Variants in DLAT observed in about 807,000 individuals in gnomAD.
DLAT encodes the protein dihydrolipoamide S-acetyltransferase.
Under a neutral mutation model 68.0 loss-of-function variants are expected in DLAT, and 43 were observed. The ratio of observed to expected loss-of-function variants is 0.63; its 90% CI spans 0.50 to 0.81. The LOEUF (loss-of-function observed/expected upper bound fraction) is 0.81. Among genes scored for constraint, DLAT ranks in the 40% least tolerant of loss-of-function variants. The pLI is 0.00. For synonymous variants in DLAT, 265 were observed against 288.6 expected (o/e 0.92, Z 0.83); for missense variants, 745 against 815.4 (o/e 0.91, Z 1.05).
In DLAT at chr11:112,064,380, T is replaced by C; in HGVS notation, c.*1845T>C. 1.7e-6 allele frequency: 1 copy of C among 598,746 alleles called. No individual in the cohort carries two copies. Among genetic ancestry groups the C allele is most frequent in the Non-Finnish European group, 2.7e-6 (1 of 365,956 alleles). 37.1% of individuals were successfully genotyped at this position (598,746 alleles called of 1,614,324 possible). A position where few individuals can be genotyped will look rare whatever the true frequency, so the allele number is the denominator to read the frequency against. On this transcript the variant is annotated 3_prime_UTR_variant, in exon 14 of 14. Transcript: ENST00000280346. ...ATATGATTATTTAAAAATTAAAGTA[T>C]AAATCTTCAATATGTCTGGTTTAAT... is the stretch of plus-strand genomic sequence containing the variant.
At chr11:112,029,413 A>C (rs1862274782) in intron 4 of DLAT, among the ~76,000 whole-genome samples, 1 of 152,166 alleles carries the variant, frequency 6.6e-6, no homozygotes, top group South Asian at 2.1e-4. Flanking sequence ...TCTTGTGGCC[A>C]CAGGAAGCTT....
At chr11:112,035,232 C>A (rs1555180301) in intron 5 of DLAT, among the ~76,000 whole-genome samples, 3 of 152,176 alleles carry the variant, frequency 2.0e-5, no homozygotes, top group Admixed American at 6.5e-5. Context: ...AAGAGCAGGA[C>A]CTTACAGCCC....
chr11:112,045,264 T>TA, intron 9 of DLAT, 34 bp downstream of exon 9: 3 of 1,418,884 alleles, frequency 2.1e-6, no homozygotes, highest in Non-Finnish European at 2.8e-6. Flanking sequence ...AATCAGCTGT[T>TA]AGGGGCATCT....
intron 4 of DLAT, 126 bp downstream of exon 4, chr11:112,029,071 T>C: frequency 9.3e-7 from 1 of 1,080,030 alleles, no homozygotes. Context: ...TGGGAGTATA[T>C]AGGTTTAAAC....
At chr11:112,052,574 G>A (rs144226770) in intron 11 of DLAT, among the ~76,000 whole-genome samples, 34 of 152,284 alleles carry the variant, frequency 2.2e-4, no homozygotes, top group African/African-American at 7.9e-4. Context: ...GAGGTTTGAG[G>A]TGGGGTGGTG....
Position 112,026,221 on chromosome 11 carries a change from C to T in DLAT, c.303C>T (p.Pro101=), listed in dbSNP as rs1402216441. 2 of 1,611,830 alleles carry T rather than the reference C, an allele frequency of 1.2e-6. No individual in the cohort carries two copies. The part of the protein sequence containing the change: ...HQKVPLPSLS[P]TMQAGTIARW... ...AGGTTCCATTGCCTTCTCTTTCCCCCACAATGCAGGCAGGCACCATAGCCC... is the reference window on the plus strand; with the variant it reads ...AGGTTCCATTGCCTTCTCTTTCCCCTACAATGCAGGCAGGCACCATAGCCC... The change falls in exon 2 of 14, where the codon CCC becomes CCT. Residue 101 remains proline (P), a synonymous_variant. Coordinates refer to ENST00000280346, the MANE Select transcript of DLAT (RefSeq NM_001931.5).
intron 7 of DLAT, 59 bp from the exon 8 acceptor site, chr11:112,043,407 G>T: frequency 1.3e-6 from 2 of 1,495,516 alleles, no homozygotes; most frequent in Non-Finnish European, 1.9e-6. Context: ...TCACAGCGTT[G>T]ATCTCCTTGG....
At chr11:112,028,450 A>G (rs1555179629) in intron 2 of DLAT, 65 bp from the exon 3 acceptor site, 13 of 1,419,816 alleles carry the variant, frequency 9.2e-6, no homozygotes, top group Non-Finnish European at 1.1e-5. Flanking sequence ...AAAAAATTCT[A>G]GACACAAGCT....
chr11:112,038,260 G>T (rs964437821), intron 6 of DLAT, among the ~76,000 whole-genome samples: 1 of 152,056 alleles, frequency 6.6e-6, no homozygotes, highest in African/African-American at 2.4e-5. Context: ...GTGCAGTGGC[G>T]TGATCTTGGC....
In DLAT at chr11:112,051,396, A is replaced by G. The variant is rs201606087; in HGVS notation, c.1514+47A>G. 2.2e-4 allele frequency: 309 copies of G among 1,379,498 alleles called. 1 individual carries two copies. The highest frequency in any genetic ancestry group is 1.6e-3 in the Middle Eastern group (9 of 5,508). 85.5% of individuals were successfully genotyped at this position (1,379,498 alleles called of 1,614,324 possible). ...ATATATCCATCGGTAGTTTTCTTGTATTATTTAATGTGTGAGTGGAGTTGA... is the reference window on the plus strand; with the variant it reads ...ATATATCCATCGGTAGTTTTCTTGTGTTATTTAATGTGTGAGTGGAGTTGA... On this transcript the variant is annotated intron_variant, in intron 11 of 13. Transcript: ENST00000280346. This position sits in a 1 kb window ranked among gnomAD's most constrained non-coding sequence, Gnocchi z 4.3.
chr11:112,064,148 T>C lies in DLAT; in HGVS notation c.*1613T>C. The stretch of plus-strand genomic sequence containing the variant: ...TCACAAGGGACCATCATCAATATGA[T>C]CCAAATCTGGTTCAAACATTCAAAA... On this transcript the variant is annotated 3_prime_UTR_variant, in exon 14 of 14. Coordinates refer to ENST00000280346, the MANE Select transcript of DLAT (RefSeq NM_001931.5). 1 of 1,548,510 alleles carries C rather than the reference T, an allele frequency of 6.5e-7. No homozygotes were observed. The highest frequency in any genetic ancestry group is 8.7e-7 in the Non-Finnish European group (1 of 1,144,116).
chr11:112,062,343 G>A, intron 13 of DLAT, 63 bp from the exon 14 acceptor site: 9 of 1,571,734 alleles, frequency 5.7e-6, no homozygotes, highest in Non-Finnish European at 7.9e-6. Context: ...GCATTTGGGT[G>A]GTTACTGGCT....
chr11:112,054,923 C>T (rs1863913352), intron 11 of DLAT, among the ~76,000 whole-genome samples: 1 of 152,146 alleles, frequency 6.6e-6, no homozygotes, highest in Non-Finnish European at 1.5e-5. Context: ...TCCTCTGTGT[C>T]TGTATTTTCT....
chr11:112,043,908 G>A (rs1175627282), intron 8 of DLAT, among the ~76,000 whole-genome samples: 1 of 152,086 alleles, frequency 6.6e-6, no homozygotes, highest in African/African-American at 2.4e-5. Context: ...GTCTGTACTT[G>A]TGCAGTTCAG....
At position 112,059,915 on chromosome 11, in the gene DLAT, T is replaced by C; in HGVS notation, c.1527T>C (p.Val509=). Residue 509 remains valine, a synonymous_variant, in exon 12 of 14, where the codon GTT becomes GTC. Transcript: ENST00000280346. ...MDTVIRQNHV[V]DVSVAVSTPA... ...TCTTTTTAAACAGAAATCATGTTGTTGATGTCAGTGTTGCGGTCAGTACTC... is the reference window on the plus strand; with the variant it reads ...TCTTTTTAAACAGAAATCATGTTGTCGATGTCAGTGTTGCGGTCAGTACTC... The C allele has an allele frequency of 1.2e-6, 2 of 1,609,016 alleles. No individual in the cohort carries two copies.
At chr11:112,033,584 G>C in intron 5 of DLAT, 54 bp downstream of exon 5, 1 of 1,604,392 alleles carries the variant, frequency 6.2e-7, no homozygotes, top group Non-Finnish European at 8.5e-7. Flanking sequence ...CAATGAGGAA[G>C]AGGATTGCCA....
chr11:112,027,584 C>T (rs1325322918), intron 2 of DLAT, among the ~76,000 whole-genome samples: 117 of 152,028 alleles, frequency 7.7e-4, no homozygotes, highest in African/African-American at 2.6e-3. Context: ...GCCGAGATCA[C>T]GCCACTGCAC....
chr11:112,061,356 C>T lies in DLAT; in HGVS notation c.1814+182C>T, dbSNP rs190822285. On this transcript the variant is annotated intron_variant, in intron 13 of 13. Transcript: ENST00000280346. ...TAACCTACACACATTATTCTGTATACTTTATTCTTGACTTATAATAATACA... is the reference window on the plus strand; with the variant it reads ...TAACCTACACACATTATTCTGTATATTTTATTCTTGACTTATAATAATACA... The T allele has an allele frequency of 7.0e-4, 450 of 639,616 alleles. 2 individuals carry two copies. Among genetic ancestry groups the T allele is most frequent in the Non-Finnish European group, 8.7e-4 (320 of 367,250 alleles). The allele number at this position is 639,616 out of a possible 1,614,324, so 39.6% of individuals were successfully genotyped here. A position where few individuals can be genotyped will look rare whatever the true frequency, so the allele number is the denominator to read the frequency against.
At chr11:112,045,709 A>T (rs2137794548) in intron 9 of DLAT, among the ~76,000 whole-genome samples, 154 bp from the exon 10 acceptor site, 1 of 151,612 alleles carries the variant, frequency 6.6e-6, no homozygotes, top group South Asian at 2.1e-4. Flanking sequence ...AAAATCTAGG[A>T]GGTGTTATAT....
Sources: allele counts gnomAD v4.1 joint callset (sites outside exome capture counted in the v4.1 genomes callset), GRCh38; gene constraint gnomAD v4.1.1; non-coding constraint Gnocchi (gnomAD v3.1); transcripts MANE v1.5; gene names NCBI Gene and HGNC (gene_info 2026-07-23, HGNC 2026-07-21).